PRKCE: variants seen among roughly 807,000 people sequenced by gnomAD.
PRKCE encodes the protein protein kinase C epsilon.
A neutral mutation model predicts 85.4 loss-of-function variants in PRKCE; 16 were observed. The observed-to-expected ratio is 0.19, with a 90% CI of 0.13 to 0.28. The LOEUF is 0.28. Ranked by LOEUF, PRKCE falls within the 10% of genes least tolerant of loss-of-function variation. The pLI is 1.00. For synonymous variants in PRKCE, 388 were observed against 371.5 expected, an observed-to-expected ratio of 1.04 and a Z score of -0.51; for missense variants, 573 against 975.2, an observed-to-expected ratio of 0.59 and a Z score of 5.49.
intron 10 of PRKCE, among the ~76,000 whole-genome samples, chr2:46,023,018 G>A (rs1706801033): frequency 6.8e-6 from 1 of 147,534 alleles, no homozygotes; most frequent in Non-Finnish European, 1.5e-5. Context: ...GGGAAGCGGA[G>A]CTTGCAGTGA....
At chr2:45,893,455 C>T (rs545437646) in intron 2 of PRKCE, among the ~76,000 whole-genome samples, 1 of 151,838 alleles carries the variant, frequency 6.6e-6, no homozygotes. Context: ...GCAACCTCTG[C>T]CTCCTGGGTT....
At chr2:46,061,005 G>A (rs751810929) in intron 10 of PRKCE, among the ~76,000 whole-genome samples, 19 of 151,042 alleles carry the variant, frequency 1.3e-4, no homozygotes, top group Non-Finnish European at 2.2e-4. Context: ...CAAGTGATTC[G>A]CCCACCTCCA....
intron 2 of PRKCE, 104 bp from the exon 3 acceptor site, chr2:45,976,325 C>T: frequency 7.3e-7 from 1 of 1,374,222 alleles, no homozygotes; most frequent in Non-Finnish European, 9.9e-7. Context: ...CTCACCCACC[C>T]CAGCTCCACT....
chr2:46,112,632 C>T (rs1247542613), intron 11 of PRKCE, among the ~76,000 whole-genome samples: 1 of 152,072 alleles, frequency 6.6e-6, no homozygotes, highest in African/African-American at 2.4e-5. Context: ...AATTCTCATG[C>T]CTCAGCCACC....
At chr2:45,783,005 C>T (rs1686315043) in intron 1 of PRKCE, among the ~76,000 whole-genome samples, 1 of 152,154 alleles carries the variant, frequency 6.6e-6, no homozygotes, top group South Asian at 2.1e-4. Context: ...TTTGCTCTTA[C>T]AGTTTCAAGA....
In PRKCE at chr2:46,041,575, T is replaced by C. The variant is rs565044315; in HGVS notation, c.1437+31058T>C. On this transcript the variant is annotated intron_variant, in intron 10 of 14. Coordinates refer to ENST00000306156, the MANE Select transcript of PRKCE (RefSeq NM_005400.3). This position sits in a 1 kb window ranked among gnomAD's most constrained non-coding sequence, Gnocchi z 5.5. ...TAGTCTTAGATAAATTTTACAAGTATTGGCCCAAGTAACCCACAAGGCAGT... is the reference window on the plus strand; with the variant it reads ...TAGTCTTAGATAAATTTTACAAGTACTGGCCCAAGTAACCCACAAGGCAGT... 6.6e-6 allele frequency among the ~76,000 whole-genome samples: 1 copy of C among 152,336 alleles called. No individual in the cohort carries two copies. The highest frequency in any genetic ancestry group is 1.9e-4 in the East Asian group (1 of 5,188).
At chr2:46,069,315 T>A (rs571356577) in intron 10 of PRKCE, among the ~76,000 whole-genome samples, 15 of 152,350 alleles carry the variant, frequency 9.8e-5, no homozygotes, top group African/African-American at 3.6e-4. Flanking sequence ...ATGACTGTTC[T>A]CTGAAGTGGT....
intron 1 of PRKCE, among the ~76,000 whole-genome samples, chr2:45,773,569 A>T (rs1437560087): frequency 6.6e-6 from 1 of 152,218 alleles, no homozygotes; most frequent in Admixed American, 6.5e-5. Flanking sequence ...ATTAGGCCAC[A>T]CTGCCTCCCC....
chr2:45,972,432 C>T (rs973662781), intron 2 of PRKCE, among the ~76,000 whole-genome samples: 2 of 152,098 alleles, frequency 1.3e-5, no homozygotes, highest in Admixed American at 6.5e-5. Context: ...TTTATTCTGT[C>T]GATTGTTTCC....
At chr2:46,023,398 A>G (rs544688695) in intron 10 of PRKCE, among the ~76,000 whole-genome samples, 1 of 152,382 alleles carries the variant, frequency 6.6e-6, no homozygotes, top group African/African-American at 2.4e-5. Context: ...GAGGGCATCA[A>G]GCAAGAAATG....
chr2:45,654,521 A>G (rs760920047), intron 1 of PRKCE, among the ~76,000 whole-genome samples: 7 of 152,202 alleles, frequency 4.6e-5, no homozygotes, highest in Non-Finnish European at 8.8e-5. Flanking sequence ...CCTGTTGCCC[A>G]TGGCTTGTCT....
chr2:45,778,638 C>T (rs1020167060), intron 1 of PRKCE, among the ~76,000 whole-genome samples: 2 of 152,130 alleles, frequency 1.3e-5, no homozygotes, highest in African/African-American at 4.8e-5. Context: ...TAACTCGGTG[C>T]ATTTCCTCAA....
chr2:45,940,011 A>G (rs1406986446), intron 2 of PRKCE, among the ~76,000 whole-genome samples: 2 of 152,220 alleles, frequency 1.3e-5, no homozygotes, highest in East Asian at 1.9e-4. Flanking sequence ...TGCTTCCAGT[A>G]CAGCCTCAGA....
At chr2:46,100,570 T>C (rs3754572) in intron 11 of PRKCE, among the ~76,000 whole-genome samples, 59,059 of 152,130 alleles carry the variant, frequency 0.39, 13,792 homozygotes, top group East Asian at 0.56. Flanking sequence ...AAGTGGGGCA[T>C]CTCTCATGAA....
intron 2 of PRKCE, among the ~76,000 whole-genome samples, chr2:45,949,225 A>T (rs935131772): frequency 3.3e-5 from 5 of 152,352 alleles, no homozygotes; most frequent in African/African-American, 1.2e-4. Flanking sequence ...TCACATCCCC[A>T]CCGGCAGTAT....
Position 46,145,330 on chromosome 2 carries a change from G to C in PRKCE, c.1731+99G>C. ...GGTCATCTAGTGGTGCTGGGGGAAG[G>C]CTCTGGAAATCCAGGATGGATTCTA... On this transcript the variant is annotated intron_variant, in intron 12 of 14. Transcript: ENST00000306156. The surrounding 1 kb of genome is among the most constrained non-coding windows in gnomAD (Gnocchi z 4.6). 1 of 1,473,494 alleles carries C rather than the reference G, an allele frequency of 6.8e-7. No homozygotes were observed. The highest frequency in any genetic ancestry group is 9.2e-7 in the Non-Finnish European group (1 of 1,085,168). The allele number at this position is 1,473,494 out of a possible 1,614,324, so 91.3% of individuals were successfully genotyped here. A position where few individuals can be genotyped will look rare whatever the true frequency, so the allele number is the denominator to read the frequency against.
intron 1 of PRKCE, among the ~76,000 whole-genome samples, chr2:45,805,184 A>G (rs550106779): frequency 2.0e-5 from 3 of 152,320 alleles, no homozygotes; most frequent in Non-Finnish European, 2.9e-5. Flanking sequence ...GTTAGACACT[A>G]TTACTACGAT....
At chr2:45,744,011 C>A in intron 1 of PRKCE, among the ~76,000 whole-genome samples, 1 of 120,678 alleles carries the variant, frequency 8.3e-6, no homozygotes, top group African/African-American at 3.1e-5. Flanking sequence ...TTTTTTTTTT[C>A]CAGATAATGC....
chr2:46,152,328 C>T (rs533097579), intron 13 of PRKCE, among the ~76,000 whole-genome samples: 7 of 151,718 alleles, frequency 4.6e-5, no homozygotes. Flanking sequence ...ATTACAGGCA[C>T]CCGCCATCAT....
Sources: allele counts gnomAD v4.1 joint callset (sites outside exome capture counted in the v4.1 genomes callset), GRCh38; gene constraint gnomAD v4.1.1; non-coding constraint Gnocchi (gnomAD v3.1); transcripts MANE v1.5; gene names NCBI Gene and HGNC (gene_info 2026-07-23, HGNC 2026-07-21).